The following VAMP5 variants were observed in gnomAD, a reference collection of about 807,000 sequenced individuals.
VAMP5 encodes the protein vesicle associated membrane protein 5.
VAMP5 carries 10 observed loss-of-function variants against 8.1 expected under a neutral mutation model. The observed-to-expected ratio is 1.23, with a 90% confidence interval of 0.76 to 2.09. The LOEUF (loss-of-function observed/expected upper bound fraction) is 2.09. Ranked by LOEUF, VAMP5 falls within the 30% of genes most tolerant of loss-of-function variation. The probability of loss-of-function intolerance (pLI) is 0.00; values close to 1 mark genes in which losing one functional copy is unlikely to be tolerated. For synonymous variants in VAMP5, 62 were observed against 60.6 expected, an observed-to-expected ratio of 1.02 and a Z score of -0.11; for missense variants, 135 against 152.5, an observed-to-expected ratio of 0.89 and a Z score of 0.60.
chr2:85,585,713 T>C (rs1038413157), intron 1 of VAMP5, among the ~76,000 whole-genome samples: 3 of 152,172 alleles, frequency 2.0e-5, no homozygotes, highest in Non-Finnish European at 4.4e-5. Context: ...ACGGGTACAT[T>C]TGAGGCAGTC....
At position 85,593,374 on chromosome 2, in the gene VAMP5, AAACTGCT is replaced by A; in HGVS notation, c.*218_*224del. On this transcript the variant is annotated 3_prime_UTR_variant, in exon 3 of 3. Transcript: ENST00000306384. ...GCCAGCCCCACCTGGAGCTCAGTAA[AAACTGCT>A]GTTTGATTAAAAGCTGGTATCTGTG... 1.7e-6 allele frequency: 1 copy of A among 596,790 alleles called. No homozygotes were observed. The highest frequency in any genetic ancestry group is 3.0e-6 in the Non-Finnish European group (1 of 336,512). 37.0% of individuals were successfully genotyped at this position (596,790 alleles called of 1,614,324 possible). A position where few individuals can be genotyped will look rare whatever the true frequency, so the allele number is the denominator to read the frequency against.
chr2:85,587,300 C>G (rs1236387049), intron 1 of VAMP5, among the ~76,000 whole-genome samples: 2 of 151,440 alleles, frequency 1.3e-5, no homozygotes, highest in Admixed American at 6.6e-5. Context: ...CTCTGTCGCC[C>G]AGGCTGGAGT....
chr2:85,588,711 G>A (rs557165398), intron 1 of VAMP5, among the ~76,000 whole-genome samples: 15 of 152,078 alleles, frequency 9.9e-5, no homozygotes, highest in Non-Finnish European at 1.3e-4. Context: ...TTTATCAGTC[G>A]CTTGGAGCCA....
rs1558825378 is a variant in VAMP5 at position 85,591,830 on chromosome 2, C to T, written c.109C>T (p.Leu37=). Residue 37 remains leucine (L), a synonymous_variant, in exon 2 of 3, where the codon CTG becomes TTG. Transcript: ENST00000306384. Reference sequence around the variant, plus strand: ...GGAGCGTGGTGTGAAGCTGGCCGAACTGCAGCAGCGTTCAGACCAACTCCT... The same window carrying T: ...GGAGCGTGGTGTGAAGCTGGCCGAATTGCAGCAGCGTTCAGACCAACTCCT... The part of the protein sequence containing the change: ...VLERGVKLAE[L]QQRSDQLLDM... 2.5e-6 allele frequency: 4 copies of T among 1,614,166 alleles called. No individual in the cohort carries two copies. Among genetic ancestry groups the T allele is most frequent in the Non-Finnish European group, 2.5e-6 (3 of 1,180,030 alleles).
At position 85,591,775 on chromosome 2, in the gene VAMP5, A is replaced by G. The variant is rs1178875353; in HGVS notation, c.54A>G (p.Glu18=). 2 of 1,613,976 alleles carry G rather than the reference A, an allele frequency of 1.2e-6. No homozygotes were observed. Among genetic ancestry groups the G allele is most frequent in the Non-Finnish European group, 1.7e-6 (2 of 1,180,002 alleles). Residue 18 remains glutamate (E), a synonymous_variant, in exon 2 of 3, where the codon GAA becomes GAG. Transcript: ENST00000306384. ...AGCAGCAGGCGAACGAGGTGACGGA[A>G]ATTATGCGTAACAACTTCGGCAAGG... ...RCQQQANEVT[E]IMRNNFGKVL... is the part of the protein sequence containing the mutation.
chr2:85,589,355 G>C (rs1672507378), intron 1 of VAMP5, among the ~76,000 whole-genome samples: 1 of 152,168 alleles, frequency 6.6e-6, no homozygotes, highest in African/African-American at 2.4e-5. Context: ...TTGAGTCTAA[G>C]GCCTCTGTGT....
At chr2:85,584,721 G>A (rs2104041692) in intron 1 of VAMP5, among the ~76,000 whole-genome samples, 1 of 152,382 alleles carries the variant, frequency 6.6e-6, no homozygotes, top group Non-Finnish European at 1.5e-5. Context: ...CGCGCAGAGC[G>A]AGCGGGACTC....
At chr2:85,592,827 A>T in intron 2 of VAMP5, 121 bp from the exon 3 acceptor site, 2 of 872,700 alleles carry the variant, frequency 2.3e-6, no homozygotes, top group Non-Finnish European at 3.7e-6. Context: ...GAAAGAAAGT[A>T]GACAAGATGG....
At chr2:85,587,016 A>C (rs150679559) in intron 1 of VAMP5, among the ~76,000 whole-genome samples, 35 of 151,784 alleles carry the variant, frequency 2.3e-4, no homozygotes, top group South Asian at 1.9e-3. Flanking sequence ...CAGAGCTTGC[A>C]GTGAGTGGAG....
Position 85,591,867 on chromosome 2 carries a change from G to A in VAMP5, c.141+5G>A. ...TCAGACCAACTCCTGGATATGGTGT[G>A]AGGCCTGGGGGAGCATGGAGGGGAG... On this transcript the variant is annotated splice_donor_5th_base_variant and intron_variant, in intron 2 of 2. Transcript: ENST00000306384. The A allele has an allele frequency of 6.2e-7, 1 of 1,614,148 alleles. No homozygotes were observed. Among genetic ancestry groups the A allele is most frequent in the Non-Finnish European group, 8.5e-7 (1 of 1,180,028 alleles).
intron 1 of VAMP5, among the ~76,000 whole-genome samples, chr2:85,590,994 C>A (rs1165635125): frequency 6.6e-6 from 1 of 152,204 alleles, no homozygotes; most frequent in Non-Finnish European, 1.5e-5. Context: ...GCTGGGAAAT[C>A]CAAGAGTTAG....
Position 85,593,024 on chromosome 2 carries a change from T to C in VAMP5, c.218T>C (p.Val73Ala). The change falls in exon 3 of 3, where the codon GTG (valine) becomes GCG (alanine). Residue 73 changes from valine to alanine, a missense_variant. By Grantham distance (64) the Val-to-Ala change is moderately conservative. Transcript: ENST00000306384. ...CWENIRYRIC[V>A]GLVVVGVLLI... ...GAGAACATCCGTTACCGGATCTGCG[T>C]GGGGCTGGTGGTGGTTGGTGTCCTG... The C allele has an allele frequency of 6.2e-7, 1 of 1,614,138 alleles. No homozygotes were observed. The highest frequency in any genetic ancestry group is 8.5e-7 in the Non-Finnish European group (1 of 1,180,024).
chr2:85,592,868 G>C, intron 2 of VAMP5, 80 bp from the exon 3 acceptor site: 1 of 1,443,620 alleles, frequency 6.9e-7, no homozygotes, highest in Non-Finnish European at 9.7e-7. Flanking sequence ...AAGCCTTACT[G>C]AGATGGGGTT....
At chr2:85,592,675 C>T (rs187139367) in intron 2 of VAMP5, among the ~76,000 whole-genome samples, 98 of 152,052 alleles carry the variant, frequency 6.4e-4, no homozygotes, top group African/African-American at 2.2e-3. Context: ...GTGGTGTGCA[C>T]CTGTAGTCCC....
At chr2:85,586,895 G>A (rs533190159) in intron 1 of VAMP5, among the ~76,000 whole-genome samples, 4 of 152,146 alleles carry the variant, frequency 2.6e-5, no homozygotes, top group South Asian at 4.1e-4. Flanking sequence ...CTAACACGGT[G>A]AAACCCTGTC....
chr2:85,589,276 C>T (rs987107553), intron 1 of VAMP5, among the ~76,000 whole-genome samples: 1 of 152,224 alleles, frequency 6.6e-6, no homozygotes, highest in Admixed American at 6.5e-5. Flanking sequence ...ACAGTGCCAG[C>T]AGAGACCTGT....
intron 1 of VAMP5, among the ~76,000 whole-genome samples, chr2:85,591,195 G>T (rs749413981): frequency 6.6e-6 from 1 of 152,248 alleles, no homozygotes; most frequent in Non-Finnish European, 1.5e-5. Context: ...GAGCTTCTCA[G>T]TTTGGGGATA....
chr2:85,585,621 T>C (rs1218726617), intron 1 of VAMP5, among the ~76,000 whole-genome samples: 2 of 152,190 alleles, frequency 1.3e-5, no homozygotes, highest in Non-Finnish European at 2.9e-5. Context: ...CCCTTAGCTC[T>C]TTGGGAGAAG....
At chr2:85,588,511 G>T (rs1237248105) in intron 1 of VAMP5, among the ~76,000 whole-genome samples, 1 of 151,840 alleles carries the variant, frequency 6.6e-6, no homozygotes, top group Non-Finnish European at 1.5e-5. Context: ...TCCACGCTCT[G>T]CTTGTCACCC....
Sources: allele counts gnomAD v4.1 joint callset (sites outside exome capture counted in the v4.1 genomes callset), GRCh38; gene constraint gnomAD v4.1.1; transcripts MANE v1.5; gene names NCBI Gene and HGNC (gene_info 2026-07-23, HGNC 2026-07-21).